ARHGAP32: variants seen among roughly 807,000 people sequenced by gnomAD.
ARHGAP32 encodes the protein Rho GTPase activating protein 32, also known as rho GTPase-activating protein 32.
In ARHGAP32, 51 loss-of-function variants were observed where a neutral mutation model predicts 186.5. That is an observed-to-expected ratio of 0.27 (90% CI 0.22 to 0.35). The LOEUF is 0.35. Among genes scored for constraint, ARHGAP32 ranks in the 10% least tolerant of loss-of-function variants. ARHGAP32 has a pLI of 1.00. For missense variants in ARHGAP32, 2,186 were observed against 2,623.5 expected, an observed-to-expected ratio of 0.83 and a Z score of 3.64; for synonymous variants, 950 against 964.3, an observed-to-expected ratio of 0.99 and a Z score of 0.27.
intron 5 of ARHGAP32, among the ~76,000 whole-genome samples, chr11:129,108,351 T>C (rs933595957): frequency 6.6e-6 from 1 of 151,626 alleles, no homozygotes; most frequent in African/African-American, 2.4e-5. Context: ...TGGGTAGCTA[T>C]ACTAGTATCA....
At chr11:129,157,994 G>A (rs1385574859) in intron 2 of ARHGAP32, among the ~76,000 whole-genome samples, 1 of 152,076 alleles carries the variant, frequency 6.6e-6, no homozygotes, top group Admixed American at 6.5e-5. Context: ...AAGCAAAGGA[G>A]AAATAAAATC....
chr11:128,976,095 A>ATG (rs1276423827), intron 20 of ARHGAP32, among the ~76,000 whole-genome samples: 1 of 151,232 alleles, frequency 6.6e-6, no homozygotes, highest in African/African-American at 2.4e-5. Context: ...ATATATATAT[A>ATG]TATATATTCA....
chr11:129,085,336 A>C (rs1941354753), intron 6 of ARHGAP32, among the ~76,000 whole-genome samples: 4 of 152,296 alleles, frequency 2.6e-5, no homozygotes, highest in South Asian at 4.1e-4. Flanking sequence ...GGGAATTTGA[A>C]ATTAAAAATA....
chr11:129,063,917 G>A lies in ARHGAP32; in HGVS notation c.870C>T (p.Asp290=), dbSNP rs562329749. 23 of 1,608,640 alleles carry A rather than the reference G, an allele frequency of 1.4e-5. No individual in the cohort carries two copies. The highest frequency in any genetic ancestry group is 8.5e-5 in the Admixed American group (5 of 58,584). ...VIKRYTARAP[D]ELTLEVGDIV... The stretch of plus-strand genomic sequence containing the variant: ...AACTATTTACCTCTAAGGTCAGTTC[G>A]TCAGGGGCCCGAGCAGTGTACCTCT... Residue 290 remains aspartate, a synonymous_variant, in exon 9 of 23, where the codon GAC becomes GAT. Coordinates refer to ENST00000682385, the MANE Select transcript of ARHGAP32 (RefSeq NM_001378024.1).
intron 2 of ARHGAP32, among the ~76,000 whole-genome samples, chr11:129,152,066 G>T (rs140883481): frequency 8.9e-4 from 136 of 152,134 alleles, no homozygotes; most frequent in African/African-American, 3.2e-3. Context: ...AAATACTAAA[G>T]ATTATCCAAG....
At chr11:129,223,951 G>A (rs894162746) in intron 1 of ARHGAP32, among the ~76,000 whole-genome samples, 6 of 152,186 alleles carry the variant, frequency 3.9e-5, no homozygotes, top group Non-Finnish European at 8.8e-5. Flanking sequence ...TACCAGAAAC[G>A]TCAGGGTGGA....
chr11:129,207,940 T>C (rs1206846828), intron 1 of ARHGAP32, among the ~76,000 whole-genome samples: 1 of 152,102 alleles, frequency 6.6e-6, no homozygotes, highest in Non-Finnish European at 1.5e-5. Context: ...AATGGGCTCT[T>C]TTGTCCTCTC....
intron 1 of ARHGAP32, among the ~76,000 whole-genome samples, chr11:129,175,060 T>C (rs2135516449): frequency 8.2e-6 from 1 of 121,654 alleles, no homozygotes; most frequent in East Asian, 2.4e-4. Flanking sequence ...TTTAGAAGAA[T>C]GTATAACTAG....
In ARHGAP32 at chr11:128,973,330, A is replaced by C. The variant is rs1402983425; in HGVS notation, c.3176T>G (p.Leu1059Arg). ...TTGCTGTGCGGACTCAGCTAATGCT[A>C]GCGCCAACATTCGGGCAACATTTTT... is the stretch of plus-strand genomic sequence containing the variant. ...PPKNVARMLA[L>R]ALAESAQQAS... Residue 1059 changes from leucine (L) to arginine (R), a missense_variant, in exon 22 of 23, where the codon CTA becomes CGA. Physicochemically the swap from Leu to Arg is moderately radical, Grantham distance 102. Coordinates refer to ENST00000682385, the MANE Select transcript of ARHGAP32 (RefSeq NM_001378024.1). 6.2e-7 allele frequency: 1 copy of C among 1,614,190 alleles called. No homozygotes were observed. Among genetic ancestry groups the C allele is most frequent in the Admixed American group, 1.7e-5 (1 of 60,026 alleles).
chr11:129,212,943 T>C (rs755147895), intron 1 of ARHGAP32, among the ~76,000 whole-genome samples: 1 of 151,610 alleles, frequency 6.6e-6, no homozygotes, highest in East Asian at 1.9e-4. Flanking sequence ...TTCATATAAA[T>C]AAACAAACCT....
chr11:129,200,164 G>A (rs1453709583), intron 1 of ARHGAP32, among the ~76,000 whole-genome samples: 1 of 152,154 alleles, frequency 6.6e-6, no homozygotes, highest in Non-Finnish European at 1.5e-5. Flanking sequence ...ATAGGCAGAA[G>A]GGACTTGCCT....
chr11:129,066,836 T>C lies in ARHGAP32; in HGVS notation c.564A>G (p.Glu188=). Residue 188 remains glutamate (E), a synonymous_variant, in exon 7 of 23, where the codon GAA becomes GAG. Coordinates refer to ENST00000682385, the MANE Select transcript of ARHGAP32 (RefSeq NM_001378024.1). The part of the protein sequence containing the change: ...GKSWIVKRSY[E]DFRVLDKHLH... ...GATGTTTATCAAGTACCCGAAAATC[T>C]TCATAACTTCTTTTAACAATCCAAC... is the stretch of plus-strand genomic sequence containing the variant. 2 of 1,610,122 alleles carry C rather than the reference T, an allele frequency of 1.2e-6. No individual in the cohort carries two copies. Among genetic ancestry groups the C allele is most frequent in the Non-Finnish European group, 1.7e-6 (2 of 1,177,814 alleles).
chr11:129,265,656 A>C (rs983189422), intron 1 of ARHGAP32, among the ~76,000 whole-genome samples: 2 of 152,166 alleles, frequency 1.3e-5, no homozygotes, highest in South Asian at 4.1e-4. Flanking sequence ...AGTTACTGGG[A>C]GGTTTCAATA....
At chr11:129,242,723 A>C (rs534952073) in intron 1 of ARHGAP32, among the ~76,000 whole-genome samples, 1 of 151,970 alleles carries the variant, frequency 6.6e-6, no homozygotes, top group East Asian at 1.9e-4. Flanking sequence ...ACCTCAAAAA[A>C]AAAAAAAGAT....
chr11:128,993,788 C>T (rs1235269913), intron 12 of ARHGAP32, among the ~76,000 whole-genome samples: 2 of 151,236 alleles, frequency 1.3e-5, no homozygotes, highest in African/African-American at 4.9e-5. Context: ...ACCTCCTGGG[C>T]TCATGAGATC....
At chr11:129,224,038 G>C (rs1040743430) in intron 1 of ARHGAP32, among the ~76,000 whole-genome samples, 3 of 152,178 alleles carry the variant, frequency 2.0e-5, no homozygotes, top group Non-Finnish European at 4.4e-5. Flanking sequence ...GCTCCATGGT[G>C]ATGACGAAAT....
intron 2 of ARHGAP32, among the ~76,000 whole-genome samples, chr11:129,131,632 G>A (rs2135404651): frequency 6.6e-6 from 1 of 152,168 alleles, no homozygotes; most frequent in East Asian, 1.9e-4. Context: ...CGGCAAGGGG[G>A]AAATCCTTCC....
intron 6 of ARHGAP32, among the ~76,000 whole-genome samples, chr11:129,074,924 CTG>C (rs1290340048): frequency 6.6e-6 from 1 of 152,142 alleles, no homozygotes; most frequent in Admixed American, 6.5e-5. Flanking sequence ...AAAAAGGTAA[CTG>C]TGAGGTGATG....
At chr11:129,265,216 T>C (rs1336386159) in intron 1 of ARHGAP32, among the ~76,000 whole-genome samples, 1 of 152,156 alleles carries the variant, frequency 6.6e-6, no homozygotes, top group Non-Finnish European at 1.5e-5. Context: ...TCGTGCATTC[T>C]AGTACCTATC....
Sources: gnomAD v4.1 joint callset for allele counts (sites outside exome capture counted in the v4.1 genomes callset) on GRCh38, gnomAD v4.1.1 for gene constraint, MANE v1.5 for transcripts, NCBI Gene and HGNC (gene_info 2026-07-23, HGNC 2026-07-21) for gene names.